MNAT1: variants seen among roughly 807,000 people sequenced by gnomAD.
The protein encoded by MNAT1 is CDK-activating kinase assembly factor MAT1.
MNAT1 carries 43 observed loss-of-function variants against 42.0 expected under a neutral mutation model. The ratio of observed to expected loss-of-function variants is 1.02; its 90% CI spans 0.80 to 1.32. The LOEUF (loss-of-function observed/expected upper bound fraction) is 1.32. MNAT1 is among the 40% of genes most tolerant of loss of function. The pLI, the probability that MNAT1 is intolerant of heterozygous loss-of-function variation, is 0.00. For synonymous variants in MNAT1, 118 were observed against 120.0 expected (o/e 0.98, Z 0.11); for missense variants, 306 against 350.4 (o/e 0.87, Z 1.01).
At position 60,808,029 on chromosome 14, in the gene MNAT1, G is replaced by A. The variant is rs1378231351; in HGVS notation, c.317-296G>A. On this transcript the variant is annotated intron_variant, in intron 3 of 7. Transcript: ENST00000261245. ...TAAACAATTTTTTTATGCTTTTAAA[G>A]CTAGAGAGGGGACTATAAAAATCAG... 5.9e-5 allele frequency among the ~76,000 whole-genome samples: 9 copies of A among 151,994 alleles called. No individual in the cohort carries two copies. The East Asian group carries it at 1.7e-3, about 29-fold the overall frequency.
intron 6 of MNAT1, among the ~76,000 whole-genome samples, chr14:60,869,929 G>T (rs2139447682): frequency 1.3e-5 from 2 of 152,086 alleles, no homozygotes; most frequent in East Asian, 3.9e-4. Context: ...TCTTTATTTG[G>T]TGAGAAAGCA....
At chr14:60,959,975 A>G (rs2036559347) in intron 7 of MNAT1, among the ~76,000 whole-genome samples, 1 of 127,508 alleles carries the variant, frequency 7.8e-6, no homozygotes, top group Non-Finnish European at 1.5e-5. Flanking sequence ...GTATTGATGC[A>G]TGTACATAGC....
intron 7 of MNAT1, among the ~76,000 whole-genome samples, chr14:60,907,070 A>T: frequency 6.6e-6 from 1 of 152,130 alleles, no homozygotes; most frequent in East Asian, 1.9e-4. Context: ...CAAAATTTCT[A>T]TTTTTAACTC....
chr14:60,927,959 A>C (rs2035799500), intron 7 of MNAT1, among the ~76,000 whole-genome samples: 1 of 152,192 alleles, frequency 6.6e-6, no homozygotes, highest in African/African-American at 2.4e-5. Flanking sequence ...TTTTGTACCA[A>C]ACCTGACTAC....
chr14:60,869,040 A>ATATATATATATATATTTTT (rs1465360826), intron 6 of MNAT1, among the ~76,000 whole-genome samples: 11 of 113,048 alleles, frequency 9.7e-5, no homozygotes, highest in Non-Finnish European at 1.6e-4. Context: ...ATATATATAT[A>ATATATATATATATATTTTT]TTTTTTTTTT....
chr14:60,740,027 G>T lies in MNAT1; in HGVS notation c.89+5076G>T, dbSNP rs914145003. 6.6e-6 allele frequency among the ~76,000 whole-genome samples: 1 copy of T among 152,132 alleles called. No individual in the cohort carries two copies. The highest frequency in any genetic ancestry group is 2.4e-5 in the African/African-American group (1 of 41,432). On this transcript the variant is annotated intron_variant, in intron 1 of 7. Coordinates refer to ENST00000261245, the MANE Select transcript of MNAT1 (RefSeq NM_002431.4). This position sits in a 1 kb window ranked among gnomAD's most constrained non-coding sequence, Gnocchi z 4.1. ...TAATTAGCTGGGTGTGGTGGCATGGGCATGTAATCCCAGGTACTTGGGGAG... is the reference window on the plus strand; with the variant it reads ...TAATTAGCTGGGTGTGGTGGCATGGTCATGTAATCCCAGGTACTTGGGGAG...
At chr14:60,836,375 G>C (rs776642445) in intron 6 of MNAT1, among the ~76,000 whole-genome samples, 16 of 152,138 alleles carry the variant, frequency 1.1e-4, no homozygotes, top group Admixed American at 2.6e-4. Context: ...TTGTGGATTT[G>C]TCTACCTTTG....
chr14:60,768,190 C>A (rs113990257), intron 1 of MNAT1, among the ~76,000 whole-genome samples: 1 of 152,126 alleles, frequency 6.6e-6, no homozygotes, highest in Admixed American at 6.5e-5. Context: ...CGTGAGCCAC[C>A]GCGCCTGGCC....
At chr14:60,766,743 A>G (rs2030844090) in intron 1 of MNAT1, among the ~76,000 whole-genome samples, 2 of 152,148 alleles carry the variant, frequency 1.3e-5, no homozygotes, top group Non-Finnish European at 1.5e-5. Context: ...AAACTTTTAG[A>G]TATGGGACAA....
chr14:60,758,312 C>G lies in MNAT1; in HGVS notation c.89+23361C>G, dbSNP rs545894480. On this transcript the variant is annotated intron_variant, in intron 1 of 7. Transcript: ENST00000261245. ...GCCTTGACTTCAGGGCTCAAGCAAT[C>G]CTCTCATGTCAGCCTCCTCAGTAGC... Among the ~76,000 whole-genome samples the G allele has an allele frequency of 2.0e-5, 3 of 151,596 alleles. No homozygotes were observed. In the East Asian group the frequency reaches 5.8e-4, roughly 29 times the overall value.
At chr14:60,765,116 C>A (rs191259333) in intron 1 of MNAT1, among the ~76,000 whole-genome samples, 1 of 152,120 alleles carries the variant, frequency 6.6e-6, no homozygotes, top group Non-Finnish European at 1.5e-5. Context: ...GCTGGGCTTG[C>A]GGCGCATGCC....
At chr14:60,820,395 T>C (rs1030471588) in intron 6 of MNAT1, among the ~76,000 whole-genome samples, 1 of 152,148 alleles carries the variant, frequency 6.6e-6, no homozygotes. Flanking sequence ...TTAATTTTAC[T>C]GTTGCTTCCA....
chr14:60,749,231 T>C (rs1414087472), intron 1 of MNAT1, among the ~76,000 whole-genome samples: 1 of 152,210 alleles, frequency 6.6e-6, no homozygotes, highest in African/African-American at 2.4e-5. Flanking sequence ...CCATGGAAGT[T>C]ATGTTCTCAA....
chr14:60,871,057 G>A (rs1172676159), intron 6 of MNAT1, among the ~76,000 whole-genome samples: 1 of 151,788 alleles, frequency 6.6e-6, no homozygotes, highest in Non-Finnish European at 1.5e-5. Flanking sequence ...CCATGTTGTA[G>A]CATGTACCAA....
At chr14:60,908,547 C>T (rs188056210) in intron 7 of MNAT1, among the ~76,000 whole-genome samples, 325 of 151,742 alleles carry the variant, frequency 2.1e-3, no homozygotes, top group African/African-American at 7.7e-3. Context: ...TGTTCAATTC[C>T]CACCTATGAG....
intron 6 of MNAT1, among the ~76,000 whole-genome samples, chr14:60,851,718 C>T (rs946707152): frequency 6.6e-6 from 1 of 152,092 alleles, no homozygotes; most frequent in South Asian, 2.1e-4. Context: ...CACCCACCAA[C>T]AGGCCCTGGT....
At chr14:60,753,645 A>C (rs1311229385) in intron 1 of MNAT1, 1 of 152,204 alleles carries the variant, frequency 6.6e-6, no homozygotes, top group Non-Finnish European at 1.5e-5. Flanking sequence ...CTGTTTGTTC[A>C]GAGTCCTAAA....
intron 7 of MNAT1, among the ~76,000 whole-genome samples, chr14:60,902,419 T>A (rs1283746687): frequency 6.6e-6 from 1 of 152,186 alleles, no homozygotes; most frequent in Non-Finnish European, 1.5e-5. Context: ...GCGAGATAGG[T>A]TTTCTCTTGC....
At chr14:60,742,453 T>C (rs886561120) in intron 1 of MNAT1, among the ~76,000 whole-genome samples, 1 of 152,208 alleles carries the variant, frequency 6.6e-6, no homozygotes, top group African/African-American at 2.4e-5. Flanking sequence ...GTATTTGTGA[T>C]TTGTTGTTAT....
Sources: gnomAD v4.1 joint callset for allele counts (sites outside exome capture counted in the v4.1 genomes callset) on GRCh38, gnomAD v4.1.1 for gene constraint, Gnocchi (gnomAD v3.1) non-coding constraint, MANE v1.5 for transcripts, NCBI Gene and HGNC (gene_info 2026-07-23, HGNC 2026-07-21) for gene names.